ERAP1: variants seen among roughly 807,000 people sequenced by gnomAD.
ERAP1 encodes endoplasmic reticulum aminopeptidase 1.
A neutral mutation model predicts 103.7 loss-of-function variants in ERAP1; 86 were observed. The ratio of observed to expected loss-of-function variants is 0.83; its 90% CI spans 0.70 to 0.99. ERAP1 has a LOEUF of 0.99. Among genes scored for constraint, ERAP1 ranks in the 50% least tolerant of loss-of-function variants. The pLI is 0.00. For synonymous variants in ERAP1, 398 were observed against 402.4 expected (o/e 0.99, Z 0.13); for missense variants, 1,009 against 1,128.4 (o/e 0.89, Z 1.52).
At chr5:96,892,404 C>T in the ERAP1 span, 1 of 1,614,062 alleles carries the variant, frequency 6.2e-7, no homozygotes, top group South Asian at 1.1e-5. Flanking sequence ...TCTTCTGCTT[C>T]CGATAAACTG....
chr5:96,826,149 G>C, the ERAP1 span, among the ~76,000 whole-genome samples: 794 of 152,244 alleles, frequency 5.2e-3, 5 homozygotes, highest in Non-Finnish European at 7.0e-3. Flanking sequence ...AAATGCCTTT[G>C]CTCCACAAAA....
chr5:96,866,804 G>C, the ERAP1 span, among the ~76,000 whole-genome samples: 11 of 152,202 alleles, frequency 7.2e-5, no homozygotes, highest in African/African-American at 2.7e-4. Flanking sequence ...GAAGAAGTCA[G>C]CAGATCATTT....
At chr5:96,833,976 T>C in the ERAP1 span, among the ~76,000 whole-genome samples, 400 of 152,282 alleles carry the variant, frequency 2.6e-3, 4 homozygotes, top group African/African-American at 9.3e-3. Context: ...CATTGCTGAT[T>C]GTACCAAAAT....
At chr5:96,866,803 A>G in the ERAP1 span, among the ~76,000 whole-genome samples, 1 of 152,206 alleles carries the variant, frequency 6.6e-6, no homozygotes, top group African/African-American at 2.4e-5. Flanking sequence ...AGAAGAAGTC[A>G]GCAGATCATT....
the ERAP1 span, among the ~76,000 whole-genome samples, chr5:96,858,472 C>T: frequency 6.6e-6 from 1 of 152,192 alleles, no homozygotes; most frequent in African/African-American, 2.4e-5. Context: ...GCTGGAATTA[C>T]AGGTGTGAGC....
the ERAP1 span, among the ~76,000 whole-genome samples, chr5:96,884,466 A>C: frequency 1.3e-5 from 2 of 151,888 alleles, no homozygotes; most frequent in South Asian, 4.2e-4. Context: ...CTAGAAGTCT[A>C]TGATGGAACT....
the ERAP1 span, among the ~76,000 whole-genome samples, chr5:96,908,751 TTG>T: frequency 2.0e-5 from 3 of 152,324 alleles, no homozygotes; most frequent in East Asian, 5.8e-4. Flanking sequence ...ATTATCCCCA[TTG>T]TATAAAGAAG....
At chr5:96,806,015 C>T (rs1778555288) in intron 1 of ERAP1, 1 of 152,240 alleles carries the variant, frequency 6.6e-6, no homozygotes, top group Non-Finnish European at 1.5e-5. Flanking sequence ...AGTTATGTCT[C>T]AACGAGGATG....
At chr5:96,774,469 AT>A (rs1773602849), downstream of ERAP1, 1 of 980,196 alleles carries the variant, frequency 1.0e-6, no homozygotes, top group Non-Finnish European at 1.2e-6. Flanking sequence ...AGAGAAAATA[AT>A]TGCAAATATC....
At chr5:96,788,904 T>C (rs1459610599) in intron 10 of ERAP1, among the ~76,000 whole-genome samples, 1 of 152,208 alleles carries the variant, frequency 6.6e-6, no homozygotes, top group Non-Finnish European at 1.5e-5. Flanking sequence ...CATACGTGTC[T>C]GGAGGACAGG....
At chr5:96,916,870 C>T in the ERAP1 span, among the ~76,000 whole-genome samples, 1 of 151,800 alleles carries the variant, frequency 6.6e-6, no homozygotes, top group South Asian at 2.1e-4. Context: ...ACTTAAATCC[C>T]AGCTCACCAT....
chr5:96,909,789 C>T, the ERAP1 span: 6 of 1,604,224 alleles, frequency 3.7e-6, no homozygotes, highest in Non-Finnish European at 5.1e-6. Context: ...CTGTCCTACC[C>T]TTTGTTCTTT....
the ERAP1 span, among the ~76,000 whole-genome samples, chr5:96,813,132 C>T: frequency 2.6e-5 from 4 of 152,078 alleles, no homozygotes; most frequent in Non-Finnish European, 5.9e-5. Flanking sequence ...TTTATCTGTC[C>T]TTAAGAAGCT....
the ERAP1 span, chr5:96,880,905 G>A: frequency 6.2e-6 from 1 of 160,114 alleles, no homozygotes; most frequent in Non-Finnish European, 1.4e-5. Context: ...GTGCAAGAAA[G>A]GTAGAAAATG....
At chr5:96,830,793 AG>A in the ERAP1 span, among the ~76,000 whole-genome samples, 1 of 152,212 alleles carries the variant, frequency 6.6e-6, no homozygotes, top group Non-Finnish European at 1.5e-5. Context: ...AAGTGCACAC[AG>A]GGTGCTTCAG....
chr5:96,869,696 T>C, the ERAP1 span, among the ~76,000 whole-genome samples: 1 of 152,102 alleles, frequency 6.6e-6, no homozygotes, highest in Non-Finnish European at 1.5e-5. Flanking sequence ...TAAACATAAG[T>C]CTAGTGAAAA....
downstream of ERAP1, chr5:96,769,601 G>A (rs1432442035): frequency 1.3e-5 from 2 of 151,920 alleles, no homozygotes; most frequent in African/African-American, 2.4e-5. Context: ...GACAAAAGCA[G>A]CTAAAATCTA....
the ERAP1 span, among the ~76,000 whole-genome samples, chr5:96,832,535 G>A: frequency 6.6e-6 from 1 of 152,112 alleles, no homozygotes; most frequent in Non-Finnish European, 1.5e-5. Flanking sequence ...TTCCACAAAT[G>A]TCTTTAAAGT....
the ERAP1 span, among the ~76,000 whole-genome samples, chr5:96,855,090 G>A: frequency 7.9e-5 from 12 of 152,128 alleles, no homozygotes; most frequent in South Asian, 4.1e-4. Flanking sequence ...TAGTAAGAAA[G>A]CTTGACTATA....
Sources: allele counts gnomAD v4.1 joint callset (sites outside exome capture counted in the v4.1 genomes callset), GRCh38; gene constraint gnomAD v4.1.1; transcripts MANE v1.5; gene names NCBI Gene and HGNC (gene_info 2026-07-23, HGNC 2026-07-21).